DGUOK: variants seen among roughly 807,000 people sequenced by gnomAD.
The protein encoded by DGUOK is deoxyguanosine kinase, mitochondrial.
In DGUOK, 30 loss-of-function variants were observed where a neutral mutation model predicts 36.6. The observed-to-expected ratio is 0.82, with a 90% confidence interval of 0.61 to 1.11. DGUOK has a LOEUF of 1.11. DGUOK is among the 50% of genes most tolerant of loss of function. The probability of loss-of-function intolerance (pLI) is 0.00; values close to 1 mark genes in which losing one functional copy is unlikely to be tolerated. For missense variants in DGUOK, 361 were observed against 336.4 expected (o/e 1.07, Z -0.57); for synonymous variants, 145 against 126.3 (o/e 1.15, Z -0.99).
chr2:73,947,757 G>A (rs1477229126), intron 3 of DGUOK: 1 of 152,240 alleles, frequency 6.6e-6, no homozygotes, highest in Non-Finnish European at 1.5e-5. Context: ...GCCTATGAAT[G>A]ACCAGTGTCA....
In DGUOK at chr2:73,934,754, CA is replaced by C. The variant is rs70965770; in HGVS notation, c.143-4141del. Among the ~76,000 whole-genome samples the C allele has an allele frequency of 1.2e-3, 149 of 122,082 alleles. 1 individual carries two copies. Among genetic ancestry groups the C allele is most frequent in the East Asian group, 4.2e-3 (17 of 4,054 alleles). The allele number at this position is 122,082 out of a possible 152,430, so 80.1% of individuals were successfully genotyped here. On this transcript the variant is annotated intron_variant, in intron 1 of 6. Coordinates refer to ENST00000264093, the MANE Select transcript of DGUOK (RefSeq NM_080916.3). Reference sequence around the variant, plus strand: ...TGGGCAATAGAGCAAGACTCTGTCTCAAAAAAAAAAAAAAAGGAAAGAAAGA... The same window carrying C: ...TGGGCAATAGAGCAAGACTCTGTCTCAAAAAAAAAAAAAAGGAAAGAAAGA...
chr2:73,949,700 A>C (rs1439147624), intron 3 of DGUOK, among the ~76,000 whole-genome samples: 1 of 152,196 alleles, frequency 6.6e-6, no homozygotes, highest in East Asian at 1.9e-4. Flanking sequence ...TTTTCTCCAA[A>C]GTGGCCAGTT....
intron 1 of DGUOK, among the ~76,000 whole-genome samples, chr2:73,931,305 C>T (rs775692788): frequency 1.6e-4 from 24 of 150,924 alleles, no homozygotes; most frequent in Non-Finnish European, 2.8e-4. Context: ...GATGGAGTCT[C>T]ATTCTGTCAC....
chr2:73,946,386 A>G (rs534216516), intron 2 of DGUOK, among the ~76,000 whole-genome samples: 1 of 152,140 alleles, frequency 6.6e-6, no homozygotes, highest in South Asian at 2.1e-4. Context: ...TTGACTGTTA[A>G]CTCCTCCCCA....
At chr2:73,944,829 A>G (rs1051662243) in intron 2 of DGUOK, among the ~76,000 whole-genome samples, 8 of 152,192 alleles carry the variant, frequency 5.3e-5, no homozygotes, top group African/African-American at 9.7e-5. Flanking sequence ...GAATTGTGCA[A>G]CAGGCCCAGG....
chr2:73,956,979 G>GTAT, intron 4 of DGUOK, 146 bp from the exon 5 acceptor site: 1 of 504,050 alleles, frequency 2.0e-6, no homozygotes, highest in Non-Finnish European at 3.7e-6. Flanking sequence ...TCCTCTGATT[G>GTAT]CATAAGAAAA....
intron 1 of DGUOK, among the ~76,000 whole-genome samples, chr2:73,938,453 G>A (rs1681642023): frequency 6.6e-6 from 1 of 152,144 alleles, no homozygotes; most frequent in African/African-American, 2.4e-5. Flanking sequence ...ACAGTCCTGA[G>A]CTCATAGTCA....
Sources: allele counts gnomAD v4.1 joint callset (sites outside exome capture counted in the v4.1 genomes callset), GRCh38; gene constraint gnomAD v4.1.1; transcripts MANE v1.5; gene names NCBI Gene and HGNC (gene_info 2026-07-23, HGNC 2026-07-21).